Variants in RBL1 observed in about 807,000 individuals in gnomAD.
RBL1 encodes the protein retinoblastoma-like protein 1.
RBL1 carries 82 observed loss-of-function variants against 123.0 expected under a neutral mutation model. The observed-to-expected ratio is 0.67, with a 90% CI of 0.56 to 0.80. The LOEUF (loss-of-function observed/expected upper bound fraction) is 0.80. Ranked by LOEUF, RBL1 falls within the 30% of genes least tolerant of loss-of-function variation. The pLI, the probability that RBL1 is intolerant of heterozygous loss-of-function variation, is 0.00. For missense variants in RBL1, 1,171 were observed against 1,299.6 expected (o/e 0.90, Z 1.52); for synonymous variants, 405 against 441.3 (o/e 0.92, Z 1.03).
At chr20:37,044,653 C>T (rs3897903) in intron 12 of RBL1, among the ~76,000 whole-genome samples, 44,516 of 152,110 alleles carry the variant, frequency 0.29, 7,896 homozygotes, top group African/African-American at 0.49. Flanking sequence ...TGGCCTTATT[C>T]TGTGGCACAG....
At chr20:37,090,523 T>TA (rs1190470559) in intron 1 of RBL1, among the ~76,000 whole-genome samples, 1 of 152,138 alleles carries the variant, frequency 6.6e-6, no homozygotes, top group Admixed American at 6.6e-5. Context: ...GAGTCACACA[T>TA]AAAAAATTAA....
intron 13 of RBL1, among the ~76,000 whole-genome samples, chr20:37,041,873 C>A (rs889480169): frequency 2.0e-5 from 3 of 151,814 alleles, no homozygotes; most frequent in African/African-American, 7.3e-5. Context: ...CTTTGGAAGA[C>A]CATCCTGGCT....
At chr20:37,086,579 A>C (rs951342148) in intron 2 of RBL1, among the ~76,000 whole-genome samples, 5 of 152,158 alleles carry the variant, frequency 3.3e-5, no homozygotes, top group Non-Finnish European at 7.3e-5. Context: ...TTTAGCATCA[A>C]CTAAAACCTA....
In RBL1 at chr20:37,095,780, C is replaced by T. The variant is rs769710068; in HGVS notation, c.149G>A (p.Ser50Asn). Reference sequence around the variant, plus strand: ...CCACCTGCTGCCGCTCACCTCTAGGCTGTAGTTGCCTCGGATGGCAGTAAA... The same window carrying T: ...CCACCTGCTGCCGCTCACCTCTAGGTTGTAGTTGCCTCGGATGGCAGTAAA... ...DDFTAIRGNY[S>N]LEGEVTHWLA... The change falls in exon 1 of 22, where the codon AGC becomes AAC. Residue 50 changes from serine to asparagine, a missense_variant. Physicochemically the swap from Ser to Asn is conservative, Grantham distance 46. Coordinates refer to ENST00000373664, the MANE Select transcript of RBL1 (RefSeq NM_002895.5). The T allele has an allele frequency of 2.5e-6, 4 of 1,608,450 alleles. No homozygotes were observed. The highest frequency in any genetic ancestry group is 1.3e-5 in the African/African-American group (1 of 74,852).
rs1246166754 is a variant in RBL1 at position 37,069,572 on chromosome 20, G to A, written c.291-1386C>T. On this transcript the variant is annotated intron_variant, in intron 2 of 21. Transcript: ENST00000373664. ...AGGAGCATCTCTGCCCGGCCGCCCCGTCTGAGAAGTGAGGAGACCCTCTGC... is the reference window on the plus strand; with the variant it reads ...AGGAGCATCTCTGCCCGGCCGCCCCATCTGAGAAGTGAGGAGACCCTCTGC... Among the ~76,000 whole-genome samples, 15 of 143,664 alleles carry A rather than the reference G, an allele frequency of 1.0e-4. No homozygotes were observed. In the East Asian group the frequency reaches 2.2e-3, roughly 21 times the overall value. The allele number at this position is 143,664 out of a possible 152,430, so 94.2% of individuals were successfully genotyped here.
At chr20:37,032,001 G>T (rs1258438751) in intron 16 of RBL1, among the ~76,000 whole-genome samples, 1 of 151,000 alleles carries the variant, frequency 6.6e-6, no homozygotes, top group African/African-American at 2.4e-5. Context: ...TCCTGCCTCG[G>T]CCTCATAAAG....
chr20:37,029,223 C>T (rs1198078839), intron 16 of RBL1, among the ~76,000 whole-genome samples: 1 of 152,100 alleles, frequency 6.6e-6, no homozygotes, highest in African/African-American at 2.4e-5. Flanking sequence ...AAAGGATATA[C>T]AGTAATCCCT....
intron 11 of RBL1, among the ~76,000 whole-genome samples, chr20:37,052,400 C>T (rs1040231604): frequency 4.0e-5 from 6 of 148,984 alleles, no homozygotes; most frequent in South Asian, 2.2e-4. Context: ...GGTGTGATCT[C>T]GGCTCACTGC....
intron 13 of RBL1, 75 bp downstream of exon 13, chr20:37,044,011 G>T: frequency 8.0e-7 from 1 of 1,256,324 alleles, no homozygotes; most frequent in Non-Finnish European, 1.1e-6. Context: ...TATGGTATAG[G>T]AATTATCTCT....
intron 2 of RBL1, among the ~76,000 whole-genome samples, chr20:37,083,524 C>G (rs971953524): frequency 7.5e-5 from 11 of 147,234 alleles, no homozygotes; most frequent in Non-Finnish European, 1.2e-4. Context: ...CGGTGGCTCA[C>G]ACCTGTAATC....
intron 12 of RBL1, among the ~76,000 whole-genome samples, chr20:37,045,249 G>A (rs954929351): frequency 2.0e-5 from 3 of 151,986 alleles, no homozygotes; most frequent in African/African-American, 7.2e-5. Context: ...TGGGACTACA[G>A]GCACGTGCCC....
intron 7 of RBL1, among the ~76,000 whole-genome samples, chr20:37,064,443 G>A (rs2065147011): frequency 6.6e-6 from 1 of 152,014 alleles, no homozygotes; most frequent in Non-Finnish European, 1.5e-5. Flanking sequence ...TGGCTGAGTA[G>A]CTGTTTTAAA....
At chr20:37,064,906 G>T (rs889966542) in intron 7 of RBL1, among the ~76,000 whole-genome samples, 1 of 151,510 alleles carries the variant, frequency 6.6e-6, no homozygotes, top group African/African-American at 2.4e-5. Flanking sequence ...GATTACAGGC[G>T]TGAGCCACCA....
chr20:37,022,499 A>G, intron 17 of RBL1, 151 bp downstream of exon 17: 1 of 629,218 alleles, frequency 1.6e-6, no homozygotes. Context: ...GCTGATTTTT[A>G]TATTTTTTAT....
intron 19 of RBL1, among the ~76,000 whole-genome samples, chr20:37,013,436 G>A (rs572678265): frequency 3.4e-4 from 51 of 151,492 alleles, no homozygotes; most frequent in African/African-American, 1.1e-3. Flanking sequence ...CAAGTACCCC[G>A]GGACACAAAC....
intron 9 of RBL1, among the ~76,000 whole-genome samples, chr20:37,057,270 C>A (rs888443607): frequency 6.6e-6 from 1 of 152,220 alleles, no homozygotes; most frequent in South Asian, 2.1e-4. Flanking sequence ...TTTTGAGGAA[C>A]GTCCGTACTG....
Position 37,007,408 on chromosome 20 carries a change from T to TA in RBL1, c.2871+2dup. The stretch of plus-strand genomic sequence containing the variant: ...TAATAAAGTAGTAAAACATAGAACA[T>TA]ACCATATGGTCCTGATTCGCCAAGT... On this transcript the variant is annotated splice_region_variant and intron_variant, in intron 20 of 21. Coordinates refer to ENST00000373664, the MANE Select transcript of RBL1 (RefSeq NM_002895.5). 1.2e-6 allele frequency: 2 copies of TA among 1,612,636 alleles called. No individual in the cohort carries two copies. Among genetic ancestry groups the TA allele is most frequent in the Non-Finnish European group, 1.7e-6 (2 of 1,179,340 alleles).
intron 16 of RBL1, among the ~76,000 whole-genome samples, 191 bp from the exon 17 acceptor site, chr20:37,023,017 T>A (rs1029110549): frequency 1.1e-4 from 17 of 152,282 alleles, no homozygotes; most frequent in East Asian, 7.7e-4. Flanking sequence ...CTTGAAAAAA[T>A]TTTTTAAAGA....
chr20:37,069,606 C>T (rs1221242227), intron 2 of RBL1, among the ~76,000 whole-genome samples: 4 of 151,438 alleles, frequency 2.6e-5, no homozygotes, highest in Admixed American at 1.3e-4. Flanking sequence ...GCCCGGCAAC[C>T]GCCCCGTCTG....
Sources: gnomAD v4.1 joint callset for allele counts (sites outside exome capture counted in the v4.1 genomes callset) on GRCh38, gnomAD v4.1.1 for gene constraint, MANE v1.5 for transcripts, NCBI Gene and HGNC (gene_info 2026-07-23, HGNC 2026-07-21) for gene names.